GRIK2: variants seen among roughly 807,000 people sequenced by gnomAD.
GRIK2 encodes the protein glutamate ionotropic receptor kainate type subunit 2.
GRIK2 carries 32 observed loss-of-function variants against 100.3 expected under a neutral mutation model. The observed-to-expected ratio is 0.32, with a 90% CI of 0.24 to 0.43. The LOEUF (loss-of-function observed/expected upper bound fraction) is 0.43, where lower values mean the gene tolerates loss of function less well. Among genes scored for constraint, GRIK2 ranks in the 20% least tolerant of loss-of-function variants. The pLI is 1.00. For missense variants in GRIK2, 843 were observed against 1,114.9 expected, an observed-to-expected ratio of 0.76 and a Z score of 3.47; for synonymous variants, 417 against 389.4, an observed-to-expected ratio of 1.07 and a Z score of -0.83.
At chr6:101,518,496 T>C (rs771299717) in intron 2 of GRIK2, among the ~76,000 whole-genome samples, 1 of 152,022 alleles carries the variant, frequency 6.6e-6, no homozygotes, top group Non-Finnish European at 1.5e-5. Context: ...TCCCATCATA[T>C]TGGAGAGGCA....
chr6:101,788,190 G>A lies in GRIK2; in HGVS notation c.952-11458G>A, dbSNP rs190595447. ...ACTTTCTGTCTATATGTGTCTTTACGAGTGAGATGAATTTCTTTCTTTTTT... is the reference window on the plus strand; with the variant it reads ...ACTTTCTGTCTATATGTGTCTTTACAAGTGAGATGAATTTCTTTCTTTTTT... On this transcript the variant is annotated intron_variant, in intron 7 of 16. Transcript: ENST00000369134. 1.2e-3 allele frequency among the ~76,000 whole-genome samples: 181 copies of A among 151,588 alleles called. 1 individual carries two copies. Among genetic ancestry groups the A allele is most frequent in the African/African-American group, 2.8e-3 (117 of 41,392 alleles).
At chr6:101,804,316 A>G (rs1279955183) in intron 9 of GRIK2, among the ~76,000 whole-genome samples, 2 of 152,054 alleles carry the variant, frequency 1.3e-5, no homozygotes, top group East Asian at 1.9e-4. Flanking sequence ...GATTTTAGTC[A>G]TAACATAGAT....
intron 2 of GRIK2, among the ~76,000 whole-genome samples, chr6:101,539,965 T>G (rs2128288040): frequency 6.6e-6 from 1 of 151,964 alleles, no homozygotes; most frequent in African/African-American, 2.4e-5. Context: ...TATTAAAAAT[T>G]GGAGAATAAG....
chr6:101,990,449 A>G (rs1311958000), intron 14 of GRIK2, among the ~76,000 whole-genome samples: 1 of 151,536 alleles, frequency 6.6e-6, no homozygotes, highest in Non-Finnish European at 1.5e-5. Context: ...TTCTCACTCC[A>G]ATTTCCACTT....
chr6:101,474,169 G>A lies in GRIK2; in HGVS notation c.115+74777G>A, dbSNP rs139329591. 4.0e-3 allele frequency among the ~76,000 whole-genome samples: 610 copies of A among 151,862 alleles called. 4 individuals carry two copies. Among genetic ancestry groups the A allele is most frequent in the African/African-American group, 0.014 (578 of 41,506 alleles). ...GGTCAATGTCTTCACCCACCCCAAA[G>A]AACTTTGATAATTTAGTGCTAAATC... On this transcript the variant is annotated intron_variant, in intron 2 of 16. Coordinates refer to ENST00000369134, the MANE Select transcript of GRIK2 (RefSeq NM_021956.5).
intron 14 of GRIK2, among the ~76,000 whole-genome samples, chr6:102,026,111 C>CATATATATATATATATATATAT (rs6149730): frequency 1.0e-5 from 1 of 100,254 alleles, no homozygotes; most frequent in Non-Finnish European, 2.0e-5. Flanking sequence ...TATACACTTA[C>CATATATATATATATATATATAT]ATATATATAT....
intron 2 of GRIK2, chr6:101,430,557 T>G (rs1414354518): frequency 1.2e-5 from 2 of 162,242 alleles, no homozygotes; most frequent in Non-Finnish European, 2.7e-5. Flanking sequence ...TTCTATATCC[T>G]GTCAGTGATG....
At chr6:101,508,090 A>ATT (rs201517394) in intron 2 of GRIK2, among the ~76,000 whole-genome samples, 8 of 115,744 alleles carry the variant, frequency 6.9e-5, no homozygotes, top group South Asian at 2.6e-4. Flanking sequence ...ACTGATTATT[A>ATT]TTATTTTTTT....
intron 2 of GRIK2, among the ~76,000 whole-genome samples, chr6:101,531,481 A>G (rs2128284858): frequency 6.6e-6 from 1 of 152,086 alleles, no homozygotes; most frequent in African/African-American, 2.4e-5. Context: ...GTTATAGAAG[A>G]TAAGGTAGTT....
intron 11 of GRIK2, among the ~76,000 whole-genome samples, chr6:101,878,047 T>C (rs1248490377): frequency 6.7e-6 from 1 of 149,040 alleles, no homozygotes; most frequent in African/African-American, 2.4e-5. Context: ...CTAAAATGTA[T>C]GAAGTGCTTA....
In GRIK2 at chr6:101,921,294, T is replaced by C. The variant is rs1789475745; in HGVS notation, c.1749-3307T>C. ...TAATAAAAGAAAAATTAGTAAAAAT[T>C]GTGAATTAATATAGGACACTGTGGT... On this transcript the variant is annotated intron_variant, in intron 12 of 16. Transcript: ENST00000369134. 3.3e-5 allele frequency among the ~76,000 whole-genome samples: 5 copies of C among 151,654 alleles called. No homozygotes were observed. In the South Asian group the frequency reaches 1.0e-3, roughly 32 times the overall value.
chr6:101,488,313 T>C (rs1382789622), intron 2 of GRIK2, among the ~76,000 whole-genome samples: 1 of 146,900 alleles, frequency 6.8e-6, no homozygotes. Flanking sequence ...GTCAATGCAA[T>C]GTCTTCATAG....
intron 7 of GRIK2, among the ~76,000 whole-genome samples, chr6:101,792,051 A>G (rs1311841662): frequency 2.0e-5 from 3 of 151,140 alleles, no homozygotes; most frequent in East Asian, 1.9e-4. Flanking sequence ...TTTGTTTTCC[A>G]TTTGCTTGGT....
intron 10 of GRIK2, among the ~76,000 whole-genome samples, chr6:101,835,610 G>A (rs1384352236): frequency 6.7e-6 from 1 of 149,724 alleles, no homozygotes. Context: ...AGCTAGGATT[G>A]CAGGCACCCG....
At chr6:101,738,106 T>C (rs1215544505) in intron 7 of GRIK2, among the ~76,000 whole-genome samples, 1 of 152,126 alleles carries the variant, frequency 6.6e-6, no homozygotes, top group East Asian at 1.9e-4. Flanking sequence ...TGAGGAATAA[T>C]TAGGAAATTA....
chr6:101,697,727 T>C (rs1772598245), intron 7 of GRIK2, among the ~76,000 whole-genome samples: 1 of 152,042 alleles, frequency 6.6e-6, no homozygotes. Context: ...CACCTAACTC[T>C]TGAAAACAGT....
intron 14 of GRIK2, among the ~76,000 whole-genome samples, chr6:102,020,005 T>G (rs1005743338): frequency 4.6e-5 from 7 of 151,984 alleles, no homozygotes; most frequent in Non-Finnish European, 2.9e-5. Context: ...AATATTGTTT[T>G]CTGCTATATA....
At chr6:101,609,662 C>T (rs1462600109) in intron 2 of GRIK2, among the ~76,000 whole-genome samples, 2 of 151,800 alleles carry the variant, frequency 1.3e-5, no homozygotes, top group Non-Finnish European at 2.9e-5. Flanking sequence ...TATTTCTTCT[C>T]CATATTAGTG....
chr6:101,959,507 T>G (rs1792151109), intron 14 of GRIK2, among the ~76,000 whole-genome samples: 2 of 152,178 alleles, frequency 1.3e-5, no homozygotes, highest in Non-Finnish European at 2.9e-5. Context: ...AATCTATCAA[T>G]ATTGTTTATG....
Sources: allele counts gnomAD v4.1 joint callset (sites outside exome capture counted in the v4.1 genomes callset), GRCh38; gene constraint gnomAD v4.1.1; transcripts MANE v1.5; gene names NCBI Gene and HGNC (gene_info 2026-07-23, HGNC 2026-07-21).